Variants in ADAMTSL2 observed in about 807,000 individuals in gnomAD.
The protein encoded by ADAMTSL2 is ADAMTS like 2, also known as ADAMTS-like protein 2.
In ADAMTSL2, 55 loss-of-function variants were observed where a neutral mutation model predicts 117.0. The observed-to-expected ratio is 0.47, with a 90% CI of 0.38 to 0.59. The LOEUF (loss-of-function observed/expected upper bound fraction) is 0.59, where lower values mean the gene tolerates loss of function less well. ADAMTSL2 is among the 20% of genes least tolerant of loss of function. ADAMTSL2 has a pLI of 0.00. For synonymous variants in ADAMTSL2, 572 were observed against 566.4 expected, an observed-to-expected ratio of 1.01 and a Z score of -0.14; for missense variants, 1,182 against 1,354.5, an observed-to-expected ratio of 0.87 and a Z score of 2.00.
At chr9:133,543,086 T>C (rs542854199) in intron 7 of ADAMTSL2, among the ~76,000 whole-genome samples, 38 of 151,878 alleles carry the variant, frequency 2.5e-4, no homozygotes, top group Non-Finnish European at 4.9e-4. Flanking sequence ...GTAGCGGGGA[T>C]TACAGGCTCC....
chr9:133,571,443 G>C (rs1412837548), intron 17 of ADAMTSL2, among the ~76,000 whole-genome samples: 1 of 152,178 alleles, frequency 6.6e-6, no homozygotes, highest in Non-Finnish European at 1.5e-5. Context: ...CACAGAGGGG[G>C]TGGCAAACTG....
Position 133,568,719 on chromosome 9 carries a change from G to T in ADAMTSL2, c.2205G>T (p.Pro735=). The change falls in exon 15 of 19, where the codon CCG becomes CCT. Residue 735 remains proline, a synonymous_variant. Transcript: ENST00000651351. ...TAGGGGAGAAGAACTGCACGGGCCC[G>T]CCCTGTGACCGGCAGTGGACCGTCT... The part of the protein sequence containing the change: ...RPVGEKNCTG[P]PCDRQWTVSD... 6.2e-7 allele frequency: 1 copy of T among 1,613,244 alleles called. No homozygotes were observed. The highest frequency in any genetic ancestry group is 8.5e-7 in the Non-Finnish European group (1 of 1,179,992).
rs1830547417 is a variant in ADAMTSL2 at position 133,554,068 on chromosome 9, C to T, written c.940-289C>T. Among the ~76,000 whole-genome samples, 1 of 152,180 alleles carries T rather than the reference C, an allele frequency of 6.6e-6. No homozygotes were observed. Among genetic ancestry groups the T allele is most frequent in the Non-Finnish European group, 1.5e-5 (1 of 68,006 alleles). Reference sequence around the variant, plus strand: ...TGCATACAGCATGCAGAGACGAGGGCCCACCTGGGCGTGCCTGGAAGACTG... The same window carrying T: ...TGCATACAGCATGCAGAGACGAGGGTCCACCTGGGCGTGCCTGGAAGACTG... On this transcript the variant is annotated intron_variant, in intron 9 of 18. Coordinates refer to ENST00000651351, the MANE Select transcript of ADAMTSL2 (RefSeq NM_014694.4). This position sits in a 1 kb window ranked among gnomAD's most constrained non-coding sequence, Gnocchi z 5.2.
intron 4 of ADAMTSL2, 42 bp downstream of exon 4, chr9:133,538,466 C>G (rs768816558): frequency 1.2e-6 from 2 of 1,607,380 alleles, no homozygotes; most frequent in Non-Finnish European, 1.7e-6. Context: ...CCTGCTCTCC[C>G]TGTCATCATG....
At chr9:133,536,507 C>T (rs1043530943) in intron 1 of ADAMTSL2, 56 bp from the exon 2 acceptor site, 3 of 1,496,888 alleles carry the variant, frequency 2.0e-6, no homozygotes, top group South Asian at 1.3e-5. Flanking sequence ...TAATCATTCA[C>T]CAAGCTCCTT....
rs1831074570 is a variant in ADAMTSL2, at chr9:133,570,322, C to CCT, written c.2416-9_2416-8insCT. 2 of 1,541,450 alleles carry CCT rather than the reference C, an allele frequency of 1.3e-6. No homozygotes were observed. The highest frequency in any genetic ancestry group is 2.7e-5 in the African/African-American group (2 of 72,966). ...TGGCGCTGACCCGCTCCCTCTGCCC[C>CCT]GGCCTCAGTGCAACACCACCTGCGG... On this transcript the variant is annotated splice_polypyrimidine_tract_variant and intron_variant, in intron 16 of 18. Transcript: ENST00000651351.
rs958276036 is a variant in ADAMTSL2 at position 133,571,246 on chromosome 9, C to A, written c.2592+739C>A. Among the ~76,000 whole-genome samples the A allele has an allele frequency of 2.0e-5, 3 of 152,168 alleles. No homozygotes were observed. In the East Asian group the frequency reaches 5.8e-4, roughly 29 times the overall value. ...CCCCATTCCTCAGAGGTTCAGGGAG[C>A]TCTCTGGCCCACTCGGGGTCCCACA... On this transcript the variant is annotated intron_variant, in intron 17 of 18. Transcript: ENST00000651351.
At chr9:133,556,901 G>T (rs1219760201) in intron 11 of ADAMTSL2, among the ~76,000 whole-genome samples, 1 of 152,206 alleles carries the variant, frequency 6.6e-6, no homozygotes, top group Non-Finnish European at 1.5e-5. Context: ...CACCCTTGCA[G>T]GTCCCCACAG....
At position 133,555,750 on chromosome 9, in the gene ADAMTSL2, C is replaced by T. The variant is rs1355826359; in HGVS notation, c.1469C>T (p.Ser490Phe). ...SIFAQGAPRS[S>F]LAESFFVDYE... ...TTTGCACAGGGCGCCCCAAGGAGCT[C>T]CCTGGCCGAGAGCTTCTTCGTGGAT... is the stretch of plus-strand genomic sequence containing the variant. Residue 490 changes from serine to phenylalanine, a missense_variant, in exon 11 of 19, where the codon TCC becomes TTC. Ser to Phe is a radical substitution (Grantham distance 155, BLOSUM62 -2). Around this residue, in one of 3 missense-constraint regions of ADAMTSL2, gnomAD observed 345 missense variants for 325.8 expected, o/e 1.06. Transcript: ENST00000651351. 1.2e-6 allele frequency: 2 copies of T among 1,613,920 alleles called. No individual in the cohort carries two copies. The highest frequency in any genetic ancestry group is 2.7e-5 in the African/African-American group (2 of 74,954).
intron 4 of ADAMTSL2, among the ~76,000 whole-genome samples, chr9:133,539,104 C>T (rs555671333): frequency 1.3e-4 from 20 of 152,188 alleles, no homozygotes; most frequent in East Asian, 9.7e-4. Flanking sequence ...TGTGTGCGCA[C>T]GTGCAGGGAG....
Position 133,570,420 on chromosome 9 carries a change from C to T in ADAMTSL2, c.2505C>T (p.Pro835=), listed in dbSNP as rs1831078520. The T allele has an allele frequency of 6.9e-6, 11 of 1,600,566 alleles. No individual in the cohort carries two copies. The East Asian group carries it at 9.1e-5, about 13-fold the overall frequency. Residue 835 remains proline (P), a synonymous_variant, in exon 17 of 19, where the codon CCC becomes CCT. Transcript: ENST00000651351. ...GGAAGCCGCAGACGCGCAGTGGCCC[C>T]GAGTGCGGGCTCGCCAAGAAGCCTC... ...ANGKPQTRSG[P]ECGLAKKPPE... is the part of the protein sequence containing the mutation.
Position 133,567,019 on chromosome 9 carries a change from G to A in ADAMTSL2, c.1831G>A (p.Glu611Lys). ...DSYCDALTRP[E>K]PVHEFCAGRE... The stretch of plus-strand genomic sequence containing the variant: ...CTACTGTGACGCCCTGACCCGTCCC[G>A]AGCCTGTCCACGAGTTCTGCGCTGG... Residue 611 changes from glutamate to lysine, a missense_variant, in exon 13 of 19, where the codon GAG (glutamate) becomes AAG (lysine). Glu to Lys is a moderately conservative substitution (Grantham distance 56). This residue lies in a region of ADAMTSL2 where 465 missense variants were observed against 565.3 expected (regional missense o/e 0.82). Coordinates refer to ENST00000651351, the MANE Select transcript of ADAMTSL2 (RefSeq NM_014694.4). 1.9e-6 allele frequency: 3 copies of A among 1,611,382 alleles called. No individual in the cohort carries two copies. The highest frequency in any genetic ancestry group is 1.7e-6 in the Non-Finnish European group (2 of 1,179,702).
At chr9:133,560,952 T>C (rs1376847540) in intron 11 of ADAMTSL2, among the ~76,000 whole-genome samples, 2 of 152,198 alleles carry the variant, frequency 1.3e-5, no homozygotes, top group Admixed American at 6.5e-5. Flanking sequence ...GCAGCTCCCA[T>C]GCAGTTGAGA....
At chr9:133,552,276 A>T (rs1830505033) in intron 9 of ADAMTSL2, among the ~76,000 whole-genome samples, 1 of 152,194 alleles carries the variant, frequency 6.6e-6, no homozygotes. Flanking sequence ...GGTACGCCCT[A>T]GCCCGCGGAA....
chr9:133,574,868 C>T lies in ADAMTSL2; in HGVS notation c.*4C>T, dbSNP rs906095479. On this transcript the variant is annotated 3_prime_UTR_variant, in exon 19 of 19. Transcript: ENST00000651351. ...CTGCAGGCCCCCCCACTCCTAGGCCCGGCAGCTGCAGCCCCTTCCAGATGA... is the reference window on the plus strand; with the variant it reads ...CTGCAGGCCCCCCCACTCCTAGGCCTGGCAGCTGCAGCCCCTTCCAGATGA... The T allele has an allele frequency of 8.0e-5, 128 of 1,602,068 alleles. No individual in the cohort carries two copies. Among genetic ancestry groups the T allele is most frequent in the Non-Finnish European group, 1.0e-4 (119 of 1,171,122 alleles).
intron 7 of ADAMTSL2, among the ~76,000 whole-genome samples, chr9:133,542,387 C>T (rs908093192): frequency 8.5e-5 from 13 of 152,288 alleles, no homozygotes; most frequent in African/African-American, 2.6e-4. Flanking sequence ...CCTGCTCACA[C>T]GGCCTCCTGC....
chr9:133,556,587 A>G lies in ADAMTSL2; in HGVS notation c.1649+657A>G, dbSNP rs78636507. On this transcript the variant is annotated intron_variant, in intron 11 of 18. Coordinates refer to ENST00000651351, the MANE Select transcript of ADAMTSL2 (RefSeq NM_014694.4). The stretch of plus-strand genomic sequence containing the variant: ...AACAAGGCTGGCATTGCAGCTGGCA[A>G]GGGCCATGAGAGAGTCCACCTGGGG... 3.6e-3 allele frequency among the ~76,000 whole-genome samples: 544 copies of G among 152,350 alleles called. 5 individuals are homozygous for G. In the East Asian group the frequency reaches 0.042, roughly 12 times the overall value.
At chr9:133,535,454 G>A (rs1461633068) in intron 1 of ADAMTSL2, among the ~76,000 whole-genome samples, 1 of 152,180 alleles carries the variant, frequency 6.6e-6, no homozygotes, top group Non-Finnish European at 1.5e-5. Flanking sequence ...CGTCCGGGCT[G>A]CAGTGGTGTC....
At chr9:133,561,493 T>C (rs1195820627) in intron 12 of ADAMTSL2, among the ~76,000 whole-genome samples, 198 bp downstream of exon 12, 2 of 151,740 alleles carry the variant, frequency 1.3e-5, no homozygotes, top group Non-Finnish European at 3.0e-5. Flanking sequence ...ATTCTCACAG[T>C]GTGCTAGACC....
Sources: allele counts gnomAD v4.1 joint callset (sites outside exome capture counted in the v4.1 genomes callset), GRCh38; gene constraint gnomAD v4.1.1; regional missense constraint gnomAD v4.1.1; non-coding constraint Gnocchi (gnomAD v3.1); transcripts MANE v1.5; gene names NCBI Gene and HGNC (gene_info 2026-07-23, HGNC 2026-07-21).